Variants in TIAM2 observed in about 807,000 individuals in gnomAD.
The protein encoded by TIAM2 is rho guanine nucleotide exchange factor TIAM2.
TIAM2 carries 80 observed loss-of-function variants against 152.9 expected under a neutral mutation model. The ratio of observed to expected loss-of-function variants is 0.52; its 90% CI spans 0.44 to 0.63. TIAM2 has a LOEUF of 0.63. Among genes scored for constraint, TIAM2 ranks in the 30% least tolerant of loss-of-function variants. The probability of loss-of-function intolerance (pLI) is 0.00; values close to 1 mark genes in which losing one functional copy is unlikely to be tolerated. For missense variants in TIAM2, 1,965 were observed against 2,120.1 expected, an observed-to-expected ratio of 0.93 and a Z score of 1.44; for synonymous variants, 804 against 838.0, an observed-to-expected ratio of 0.96 and a Z score of 0.70.
At position 155,071,077 on chromosome 6, in the gene TIAM2, G is replaced by T. The variant is rs188498096; in HGVS notation, c.-208-19212G>T. Among the ~76,000 whole-genome samples the T allele has an allele frequency of 1.0e-3, 157 of 152,302 alleles. 2 individuals are homozygous for T. Among genetic ancestry groups the T allele is most frequent in the Non-Finnish European group, 1.6e-3 (109 of 68,038 alleles). On this transcript the variant is annotated intron_variant, in intron 1 of 26. Transcript: ENST00000682666. ...AGTCCCAGCAGCTTGGGAGGCTGAGGGGGGAGGATGGCTCGTGCCCGAGAG... is the reference window on the plus strand; with the variant it reads ...AGTCCCAGCAGCTTGGGAGGCTGAGTGGGGAGGATGGCTCGTGCCCGAGAG...
intron 7 of TIAM2, among the ~76,000 whole-genome samples, chr6:155,160,465 G>A (rs1780240718): frequency 6.6e-6 from 1 of 152,140 alleles, no homozygotes; most frequent in Non-Finnish European, 1.5e-5. Flanking sequence ...GACACACCCA[G>A]AATAATGTTT....
intron 14 of TIAM2, among the ~76,000 whole-genome samples, chr6:155,207,397 C>T (rs576348658): frequency 6.6e-6 from 1 of 152,344 alleles, no homozygotes; most frequent in East Asian, 1.9e-4. Context: ...CTCGGATTCT[C>T]CTGTGCTCCG....
At chr6:155,221,768 C>G (rs1415861401) in intron 15 of TIAM2, among the ~76,000 whole-genome samples, 2 of 152,118 alleles carry the variant, frequency 1.3e-5, no homozygotes, top group Non-Finnish European at 2.9e-5. Context: ...CCATGCCCCT[C>G]AGCCCTCTAT....
intron 7 of TIAM2, among the ~76,000 whole-genome samples, chr6:155,158,430 C>T (rs1162278139): frequency 6.6e-6 from 1 of 152,144 alleles, no homozygotes; most frequent in Non-Finnish European, 1.5e-5. Flanking sequence ...TTATTAGTAA[C>T]TTCCTTTCAC....
intron 1 of TIAM2, among the ~76,000 whole-genome samples, chr6:155,030,672 G>T (rs971551068): frequency 3.3e-5 from 5 of 152,260 alleles, no homozygotes; most frequent in Admixed American, 6.5e-5. Context: ...TCTCCGTCTT[G>T]CTCCTGTGGA....
At chr6:155,215,334 G>A (rs568151966) in intron 15 of TIAM2, among the ~76,000 whole-genome samples, 30 of 152,260 alleles carry the variant, frequency 2.0e-4, no homozygotes, top group Non-Finnish European at 2.6e-4. Context: ...AATTGGGGCC[G>A]TCTGAGCTTC....
intron 6 of TIAM2, among the ~76,000 whole-genome samples, chr6:155,147,535 G>T (rs922743028): frequency 1.3e-5 from 2 of 152,054 alleles, no homozygotes; most frequent in Non-Finnish European, 2.9e-5. Flanking sequence ...ACCCAGGCTG[G>T]AGTGCAGTAG....
intron 1 of TIAM2, among the ~76,000 whole-genome samples, chr6:155,045,730 C>T (rs1394212106): frequency 4.6e-5 from 7 of 151,828 alleles, no homozygotes; most frequent in Non-Finnish European, 8.8e-5. Context: ...CGGGTGGTGC[C>T]ACAGTGCTTT....
At chr6:155,000,199 T>C (rs745944760) in intron 1 of TIAM2, among the ~76,000 whole-genome samples, 1 of 152,158 alleles carries the variant, frequency 6.6e-6, no homozygotes, top group Non-Finnish European at 1.5e-5. Context: ...ACTCCCTCAA[T>C]GTTAAACATG....
chr6:155,254,760 A>C, intron 26 of TIAM2, 187 bp downstream of exon 26: 3 of 653,418 alleles, frequency 4.6e-6, no homozygotes, highest in Non-Finnish European at 7.6e-6. Context: ...AGCCACCCCC[A>C]ACCCCCAGTC....
intron 1 of TIAM2, among the ~76,000 whole-genome samples, chr6:155,010,642 A>G (rs1296256147): frequency 6.6e-6 from 1 of 152,074 alleles, no homozygotes; most frequent in African/African-American, 2.4e-5. Context: ...TTTAGTAGAG[A>G]CGGGGTTTCT....
At chr6:155,091,784 A>T (rs1207714377) in intron 2 of TIAM2, among the ~76,000 whole-genome samples, 1 of 152,208 alleles carries the variant, frequency 6.6e-6, no homozygotes, top group Non-Finnish European at 1.5e-5. Flanking sequence ...GTTCAAAACT[A>T]CTGCTGAAAT....
intron 1 of TIAM2, among the ~76,000 whole-genome samples, chr6:155,071,452 T>C (rs1005680423): frequency 6.6e-6 from 1 of 152,228 alleles, no homozygotes; most frequent in Non-Finnish European, 1.5e-5. Flanking sequence ...TGCCCAGATA[T>C]TGTTTACTAT....
rs1562300094 is a variant in TIAM2 at position 155,047,688 on chromosome 6, GGAGAGAGAGAGAGAGAGCGAGA to G, written c.-208-42585_-208-42564del. The stretch of plus-strand genomic sequence containing the variant: ...GAGAGGAGAGAGAGAGAGAGAGAGA[GGAGAGAGAGAGAGAGAGCGAGA>G]GAGAGAGAGAGAGAGCGAGAGAGAG... On this transcript the variant is annotated intron_variant, in intron 1 of 26. Transcript: ENST00000682666. Among the ~76,000 whole-genome samples the G allele has an allele frequency of 1.5e-3, 65 of 44,718 alleles. 2 individuals carry two copies. The South Asian group carries it at 0.034, about 23-fold the overall frequency. The allele number at this position is 44,718 out of a possible 152,430, so 29.3% of individuals were successfully genotyped here.
At chr6:155,203,383 T>G (rs1189956166) in intron 14 of TIAM2, among the ~76,000 whole-genome samples, 1 of 152,104 alleles carries the variant, frequency 6.6e-6, no homozygotes, top group African/African-American at 2.4e-5. Context: ...TCTCTACGAG[T>G]TTTTCATTTA....
intron 1 of TIAM2, among the ~76,000 whole-genome samples, chr6:155,031,875 A>G (rs897340634): frequency 6.6e-6 from 1 of 152,208 alleles, no homozygotes; most frequent in Non-Finnish European, 1.5e-5. Flanking sequence ...GTAGAATCAA[A>G]AGTAAGGAAA....
intron 15 of TIAM2, among the ~76,000 whole-genome samples, chr6:155,220,457 C>G (rs1782005188): frequency 6.6e-6 from 1 of 152,208 alleles, no homozygotes; most frequent in Non-Finnish European, 1.5e-5. Context: ...CCCAGGAGCC[C>G]TGGGCCAGCC....
intron 2 of TIAM2, among the ~76,000 whole-genome samples, chr6:155,115,878 G>A (rs758692420): frequency 1.3e-5 from 2 of 152,150 alleles, no homozygotes; most frequent in Non-Finnish European, 2.9e-5. Context: ...ATGGGAGGCC[G>A]AGGTGGGCGG....
At chr6:155,254,664 C>A in intron 26 of TIAM2, 91 bp downstream of exon 26, 1 of 1,496,516 alleles carries the variant, frequency 6.7e-7, no homozygotes, top group South Asian at 1.3e-5. Flanking sequence ...TGTGACTTTT[C>A]ACTTTGTAAG....
Sources: allele counts gnomAD v4.1 joint callset (sites outside exome capture counted in the v4.1 genomes callset), GRCh38; gene constraint gnomAD v4.1.1; transcripts MANE v1.5; gene names NCBI Gene and HGNC (gene_info 2026-07-23, HGNC 2026-07-21).